Variants in AP3S1 observed in about 807,000 individuals in gnomAD.
The protein encoded by AP3S1 is adaptor related protein complex 3 subunit sigma 1.
A neutral mutation model predicts 21.3 loss-of-function variants in AP3S1; 12 were observed. That is an observed-to-expected ratio of 0.56 (90% CI 0.36 to 0.91). The LOEUF (loss-of-function observed/expected upper bound fraction) is 0.91, where lower values mean the gene tolerates loss of function less well. Among genes scored for constraint, AP3S1 ranks in the 40% least tolerant of loss-of-function variants. AP3S1 has a pLI of 0.01. For missense variants in AP3S1, 116 were observed against 225.0 expected (o/e 0.52, Z 3.10); for synonymous variants, 48 against 78.4 (o/e 0.61, Z 2.05).
At position 115,887,143 on chromosome 5, in the gene AP3S1, T is replaced by A. The variant is rs141463013; in HGVS notation, c.274-7944T>A. On this transcript the variant is annotated intron_variant, in intron 3 of 5. Coordinates refer to ENST00000316788, the MANE Select transcript of AP3S1 (RefSeq NM_001284.4). ...GTTCTTCAAAGGTAAATGATGTGAT[T>A]TTACGTTCAGTTTGTCTTCCCTAGC... Among the ~76,000 whole-genome samples the A allele has an allele frequency of 5.1e-3, 772 of 152,306 alleles. 2 individuals carry two copies. Among genetic ancestry groups the A allele is most frequent in the South Asian group, 7.3e-3 (35 of 4,824 alleles).
chr5:115,913,929 CATT>C lies in AP3S1; in HGVS notation c.*442_*444del, dbSNP rs1189678079. ...GAACCAAGTATGTATTGCATGAAAA[CATT>C]ATGACTTTTTTCTCTTAGTTTAAAT... On this transcript the variant is annotated 3_prime_UTR_variant, in exon 6 of 6. Coordinates refer to ENST00000316788, the MANE Select transcript of AP3S1 (RefSeq NM_001284.4). 1 of 152,880 alleles carries C rather than the reference CATT, an allele frequency of 6.5e-6. No individual in the cohort carries two copies. Among genetic ancestry groups the C allele is most frequent in the Non-Finnish European group, 1.5e-5 (1 of 68,206 alleles). 9.5% of individuals were successfully genotyped at this position (152,880 alleles called of 1,614,324 possible). A position where few individuals can be genotyped will look rare whatever the true frequency, so the allele number is the denominator to read the frequency against.
chr5:115,881,598 TG>T (rs1264586260), intron 3 of AP3S1, among the ~76,000 whole-genome samples: 1 of 152,198 alleles, frequency 6.6e-6, no homozygotes, highest in Admixed American at 6.5e-5. Flanking sequence ...CTTCCCTTTG[TG>T]GGTAACCCAA....
At chr5:115,867,404 A>G (rs1747779866) in intron 2 of AP3S1, among the ~76,000 whole-genome samples, 1 of 152,174 alleles carries the variant, frequency 6.6e-6, no homozygotes, top group Non-Finnish European at 1.5e-5. Flanking sequence ...ATGAATAAGA[A>G]TATTGCCAAA....
At position 115,841,958 on chromosome 5, in the gene AP3S1, C is replaced by T. The variant is rs1441569694; in HGVS notation, c.-80C>T. ...GGAGGGGGCGGGTGGGGAAGGATCG[C>T]AGGCGAGATTACGAGGCGAGGCTCG... On this transcript the variant is annotated 5_prime_UTR_variant, in exon 1 of 6. Coordinates refer to ENST00000316788, the MANE Select transcript of AP3S1 (RefSeq NM_001284.4). 6.5e-7 allele frequency: 1 copy of T among 1,532,954 alleles called. No individual in the cohort carries two copies. Among genetic ancestry groups the T allele is most frequent in the Non-Finnish European group, 8.8e-7 (1 of 1,138,370 alleles). 95.0% of individuals were successfully genotyped at this position (1,532,954 alleles called of 1,614,324 possible).
intron 3 of AP3S1, among the ~76,000 whole-genome samples, chr5:115,870,662 C>T (rs1397075187): frequency 6.6e-6 from 1 of 152,128 alleles, no homozygotes; most frequent in Non-Finnish European, 1.5e-5. Context: ...TTGCATTTTC[C>T]AGACCATTCT....
At chr5:115,848,683 C>T (rs1057250263) in intron 1 of AP3S1, among the ~76,000 whole-genome samples, 1 of 152,202 alleles carries the variant, frequency 6.6e-6, no homozygotes, top group Non-Finnish European at 1.5e-5. Flanking sequence ...TTTGTCACTG[C>T]TGTTTTATAA....
At chr5:115,850,005 C>T (rs977159160) in intron 1 of AP3S1, among the ~76,000 whole-genome samples, 3 of 152,164 alleles carry the variant, frequency 2.0e-5, no homozygotes, top group Admixed American at 1.3e-4. Flanking sequence ...TGTGAAGTAA[C>T]AGAACTCAAG....
At chr5:115,908,381 CAA>C (rs1751831887) in intron 5 of AP3S1, among the ~76,000 whole-genome samples, 2 of 152,032 alleles carry the variant, frequency 1.3e-5, no homozygotes, top group African/African-American at 4.8e-5. Flanking sequence ...TTTCTGTTTT[CAA>C]AGAGGAGAGA....
chr5:115,893,563 G>A lies in AP3S1; in HGVS notation c.274-1524G>A, dbSNP rs538298848. ...GGAAGGCTGGAGTCCCTAACCCTAC[G>A]TTGTTCAAGGATGAACTGTAGTTAC... On this transcript the variant is annotated intron_variant, in intron 3 of 5. Coordinates refer to ENST00000316788, the MANE Select transcript of AP3S1 (RefSeq NM_001284.4). Among the ~76,000 whole-genome samples the A allele has an allele frequency of 9.2e-5, 14 of 152,136 alleles. 1 individual carries two copies. The highest frequency in any genetic ancestry group is 2.7e-4 in the African/African-American group (11 of 41,422).
intron 4 of AP3S1, 77 bp downstream of exon 4, chr5:115,895,235 AT>A: frequency 1.0e-6 from 1 of 969,456 alleles, no homozygotes; most frequent in Non-Finnish European, 1.5e-6. Context: ...AATGGCTTTA[AT>A]GAATAATTCT....
Position 115,866,710 on chromosome 5 carries a change from A to T in AP3S1, c.110A>T (p.His37Leu). 1 of 1,606,806 alleles carries T rather than the reference A, an allele frequency of 6.2e-7. No homozygotes were observed. Among genetic ancestry groups the T allele is most frequent in the South Asian group, 1.1e-5 (1 of 90,210 alleles). Residue 37 changes from histidine (H) to leucine (L), a missense_variant, in exon 2 of 6, where the codon CAT becomes CTT. Around this residue, in one of 3 missense-constraint regions of AP3S1, gnomAD observed 50 missense variants for 55.5 expected, o/e 0.90. Transcript: ENST00000316788. ...TQQQIIRETF[H>L]LVSKRDENVC... is the part of the protein sequence containing the mutation. ...CAGCAAATCATCAGGGAGACTTTCCATTTGGTATCTAAGAGAGATGAAAAT... is the reference window on the plus strand; with the variant it reads ...CAGCAAATCATCAGGGAGACTTTCCTTTTGGTATCTAAGAGAGATGAAAAT...
At chr5:115,911,961 A>G (rs1752146816) in intron 5 of AP3S1, 1 of 151,966 alleles carries the variant, frequency 6.6e-6, no homozygotes, top group South Asian at 2.1e-4. Flanking sequence ...TATCACTCTT[A>G]TCATTGCCTG....
At chr5:115,889,464 G>T (rs1481838245) in intron 3 of AP3S1, among the ~76,000 whole-genome samples, 3 of 152,256 alleles carry the variant, frequency 2.0e-5, no homozygotes, top group African/African-American at 2.4e-5. Flanking sequence ...TTTCTTCTGA[G>T]TGAATCTCTT....
intron 4 of AP3S1, among the ~76,000 whole-genome samples, chr5:115,896,018 G>GT (rs1405663944): frequency 6.6e-6 from 1 of 152,026 alleles, no homozygotes; most frequent in African/African-American, 2.4e-5. Context: ...TCTGTATTAG[G>GT]TTTGTATAAT....
At chr5:115,903,017 A>T (rs374640142) in intron 5 of AP3S1, 25 bp downstream of exon 5, 18 of 664,028 alleles carry the variant, frequency 2.7e-5, no homozygotes, top group Non-Finnish European at 3.8e-5. Flanking sequence ...TGCTGTAGTT[A>T]AGAAGGTTCT....
At chr5:115,890,146 G>C (rs1283733664) in intron 3 of AP3S1, among the ~76,000 whole-genome samples, 20 of 152,166 alleles carry the variant, frequency 1.3e-4, no homozygotes, top group Admixed American at 1.3e-3. Flanking sequence ...TCTACTCCAA[G>C]TATACAATCA....
intron 1 of AP3S1, among the ~76,000 whole-genome samples, chr5:115,856,311 T>C (rs556733314): frequency 1.3e-5 from 2 of 152,240 alleles, no homozygotes; most frequent in African/African-American, 2.4e-5. Flanking sequence ...TATATTGTTT[T>C]CTTTTTTCTT....
intron 1 of AP3S1, chr5:115,842,359 G>A: frequency 2.2e-6 from 1 of 450,106 alleles, no homozygotes; most frequent in Non-Finnish European, 3.8e-6. Context: ...ATGCTTTCCT[G>A]GCTGCGCGGG....
At chr5:115,900,171 A>G (rs1751088484) in intron 4 of AP3S1, among the ~76,000 whole-genome samples, 1 of 152,216 alleles carries the variant, frequency 6.6e-6, no homozygotes, top group South Asian at 2.1e-4. Context: ...CACAGTTTAT[A>G]TAGGAAAGGC....
Sources: allele counts gnomAD v4.1 joint callset (sites outside exome capture counted in the v4.1 genomes callset), GRCh38; gene constraint gnomAD v4.1.1; regional missense constraint gnomAD v4.1.1; transcripts MANE v1.5; gene names NCBI Gene and HGNC (gene_info 2026-07-23, HGNC 2026-07-21).